Variants in NPHP4 observed in about 807,000 individuals in gnomAD.
NPHP4 encodes the protein nephrocystin 4.
Under a neutral mutation model 155.8 loss-of-function variants are expected in NPHP4, and 151 were observed. The observed-to-expected ratio is 0.97, with a 90% confidence interval of 0.85 to 1.11. The LOEUF is 1.11. NPHP4 is among the 50% of genes least tolerant of loss of function. The pLI is 0.00. For synonymous variants in NPHP4, 845 were observed against 816.8 expected (o/e 1.03, Z -0.59); for missense variants, 1,956 against 1,925.7 (o/e 1.02, Z -0.29).
At chr1:5,874,404 G>T in intron 22 of NPHP4, 67 bp downstream of exon 22, 1 of 1,388,576 alleles carries the variant, frequency 7.2e-7, no homozygotes, top group Non-Finnish European at 9.7e-7. Flanking sequence ...GGTGGAGACT[G>T]GAAGCATTCT....
chr1:5,969,045 A>C, intron 4 of NPHP4, 42 bp downstream of exon 4: 4 of 1,316,960 alleles, frequency 3.0e-6, no homozygotes, highest in Non-Finnish European at 3.1e-6. Context: ...AAAAAAAGAC[A>C]GACGCTGGAA....
chr1:5,935,327 C>A (rs964965742), intron 9 of NPHP4, among the ~76,000 whole-genome samples: 1 of 152,192 alleles, frequency 6.6e-6, no homozygotes, highest in Admixed American at 6.5e-5. Flanking sequence ...ATTCACGCCC[C>A]CGTCACAGGG....
intron 23 of NPHP4, 163 bp from the exon 24 acceptor site, chr1:5,868,059 C>G (rs907974740): frequency 2.5e-6 from 2 of 802,306 alleles, no homozygotes; most frequent in African/African-American, 3.4e-5. Flanking sequence ...GGGACTGAGT[C>G]TGCAGCAGCA....
At chr1:5,930,413 T>C (rs1646215290) in intron 10 of NPHP4, among the ~76,000 whole-genome samples, 1 of 152,220 alleles carries the variant, frequency 6.6e-6, no homozygotes, top group African/African-American at 2.4e-5. Flanking sequence ...CTTTTTTCTG[T>C]TCTAATATAA....
chr1:5,962,773 G>C (rs1043191461), intron 5 of NPHP4, among the ~76,000 whole-genome samples: 1 of 152,246 alleles, frequency 6.6e-6, no homozygotes, highest in African/African-American at 2.4e-5. Context: ...ACACCCGGGA[G>C]GAGTGCGGCT....
intron 10 of NPHP4, among the ~76,000 whole-genome samples, chr1:5,931,233 T>C (rs1455873696): frequency 6.6e-6 from 1 of 152,120 alleles, no homozygotes; most frequent in Non-Finnish European, 1.5e-5. Context: ...AACTGGTGTG[T>C]TTACACTATT....
chr1:5,943,498 G>A (rs1191724812), intron 9 of NPHP4, among the ~76,000 whole-genome samples: 1 of 152,196 alleles, frequency 6.6e-6, no homozygotes, highest in African/African-American at 2.4e-5. Flanking sequence ...ATGAGGCCAA[G>A]TGAAGCAGCT....
At position 5,904,724 on chromosome 1, in the gene NPHP4, G is replaced by A. The variant is rs780615948; in HGVS notation, c.2036C>T (p.Thr679Met). The change falls in exon 16 of 30, where the codon ACG (threonine) becomes ATG (methionine). Residue 679 changes from threonine to methionine, a missense_variant. Thr to Met is a moderately conservative substitution (Grantham distance 81). Coordinates refer to ENST00000378156, the MANE Select transcript of NPHP4 (RefSeq NM_015102.5). ...TFQFYRFPPA[T>M]TPRLQLVQLD... is the part of the protein sequence containing the mutation. The stretch of plus-strand genomic sequence containing the variant: ...CTGGACCAGCTGCAGTCGTGGCGTC[G>A]TTGCGGGTGGGAAGCGGTAGAACTG... 3.8e-5 allele frequency: 61 copies of A among 1,614,034 alleles called. No homozygotes were observed. Among genetic ancestry groups the A allele is most frequent in the South Asian group, 7.7e-5 (7 of 91,092 alleles).
chr1:5,925,584 A>G (rs1405227299), intron 11 of NPHP4, among the ~76,000 whole-genome samples: 1 of 152,154 alleles, frequency 6.6e-6, no homozygotes, highest in Non-Finnish European at 1.5e-5. Flanking sequence ...GAAAGATATC[A>G]GATGTAAGCA....
intron 23 of NPHP4, among the ~76,000 whole-genome samples, chr1:5,869,052 C>T (rs1641674092): frequency 6.9e-6 from 1 of 144,194 alleles, no homozygotes; most frequent in African/African-American, 2.6e-5. Flanking sequence ...CATGCCCCCA[C>T]ACGCACACAC....
intron 3 of NPHP4, among the ~76,000 whole-genome samples, chr1:5,975,397 C>T (rs942414761): frequency 9.2e-5 from 14 of 152,208 alleles, no homozygotes; most frequent in African/African-American, 3.4e-4. Context: ...AGACAGCAGG[C>T]TCCATGAATA....
At position 5,944,220 on chromosome 1, in the gene NPHP4, G is replaced by A. The variant is rs1646968237; in HGVS notation, c.1119+2884C>T. Among the ~76,000 whole-genome samples, 1 of 152,184 alleles carries A rather than the reference G, an allele frequency of 6.6e-6. No individual in the cohort carries two copies. ...CGCACCAGCCAGCCTGTTTTCAGCT[G>A]TGCTTACAGCTTCCACCACGCAGGG... On this transcript the variant is annotated intron_variant, in intron 9 of 29. Transcript: ENST00000378156. This position sits in a 1 kb window ranked among gnomAD's most constrained non-coding sequence, Gnocchi z 4.3.
At chr1:5,940,766 A>AT (rs1646777070) in intron 9 of NPHP4, among the ~76,000 whole-genome samples, 1 of 152,232 alleles carries the variant, frequency 6.6e-6, no homozygotes, top group Non-Finnish European at 1.5e-5. Flanking sequence ...TTTTAAAACC[A>AT]TTTTTAAAAT....
intron 9 of NPHP4, among the ~76,000 whole-genome samples, chr1:5,939,167 C>T (rs746237907): frequency 6.6e-6 from 1 of 152,168 alleles, no homozygotes; most frequent in Non-Finnish European, 1.5e-5. Flanking sequence ...TAACAGGCAA[C>T]ATTTTCATGT....
rs779292899 is a variant in NPHP4, at chr1:5,927,779, C to T, written c.1311G>A (p.Gln437=). 5.6e-6 allele frequency: 9 copies of T among 1,609,910 alleles called. No individual in the cohort carries two copies. The South Asian group carries it at 9.9e-5, about 18-fold the overall frequency. The change falls in exon 11 of 30, where the codon CAG becomes CAA. Residue 437 remains glutamine (Q), a synonymous_variant. Transcript: ENST00000378156. ...SASMSSEEVK[Q]VESGTLRFQF... ...GGAACCGGAGTGTACCCGACTCCAC[C>T]TGCTTCACCTGCAATGGACCAGAAG...
At chr1:5,919,807 A>G (rs1645649536) in intron 11 of NPHP4, among the ~76,000 whole-genome samples, 2 of 151,862 alleles carry the variant, frequency 1.3e-5, no homozygotes, top group Admixed American at 1.3e-4. Context: ...TGACGTGATC[A>G]TAGTTCACTG....
chr1:5,932,698 C>A (rs1362577322), intron 10 of NPHP4, among the ~76,000 whole-genome samples: 1 of 151,896 alleles, frequency 6.6e-6, no homozygotes, highest in Non-Finnish European at 1.5e-5. Context: ...CTGCTGTGGT[C>A]CTACCCCTTG....
chr1:5,988,295 C>T (rs1655772606), intron 1 of NPHP4, among the ~76,000 whole-genome samples: 1 of 152,186 alleles, frequency 6.6e-6, no homozygotes. Flanking sequence ...CTAACTAGAT[C>T]GGGATGGATT....
At chr1:5,967,605 T>A (rs1035335339) in intron 4 of NPHP4, among the ~76,000 whole-genome samples, 1 of 152,184 alleles carries the variant, frequency 6.6e-6, no homozygotes, top group African/African-American at 2.4e-5. Context: ...TTGAGGAGCT[T>A]TCCTGGAAAA....
Sources: gnomAD v4.1 joint callset for allele counts (sites outside exome capture counted in the v4.1 genomes callset) on GRCh38, gnomAD v4.1.1 for gene constraint, Gnocchi (gnomAD v3.1) non-coding constraint, MANE v1.5 for transcripts, NCBI Gene and HGNC (gene_info 2026-07-23, HGNC 2026-07-21) for gene names.